Variants in PDGFRA observed in about 807,000 individuals in gnomAD.
PDGFRA encodes platelet-derived growth factor receptor alpha.
PDGFRA carries 25 observed loss-of-function variants against 121.5 expected under a neutral mutation model. The observed-to-expected ratio is 0.21, with a 90% CI of 0.15 to 0.29. The LOEUF is 0.29. Among genes scored for constraint, PDGFRA ranks in the 10% least tolerant of loss-of-function variants. The pLI is 1.00. For synonymous variants in PDGFRA, 463 were observed against 494.8 expected (o/e 0.94, Z 0.85); for missense variants, 1,008 against 1,345.1 (o/e 0.75, Z 3.92).
intron 1 of PDGFRA, among the ~76,000 whole-genome samples, chr4:54,237,389 A>C (rs78941306): frequency 0.014 from 2,181 of 152,312 alleles, 60 homozygotes; most frequent in African/African-American, 0.05. Flanking sequence ...TAGAGCTTGC[A>C]CAGGAAAAGC....
In PDGFRA at chr4:54,285,870, C is replaced by T. The variant is rs758069142; in HGVS notation, c.2469C>T (p.Asn823=). The T allele has an allele frequency of 4.1e-5, 66 of 1,613,936 alleles. No homozygotes were observed. Among genetic ancestry groups the T allele is most frequent in the African/African-American group, 8.0e-5 (6 of 74,916 alleles). Residue 823 remains asparagine (N), a synonymous_variant, in exon 18 of 23, where the codon AAC becomes AAT. Coordinates refer to ENST00000257290, the MANE Select transcript of PDGFRA (RefSeq NM_006206.6). ...NCVHRDLAAR[N]VLLAQGKIVK... ...TCCACCGTGATCTGGCTGCTCGCAA[C>T]GTCCTCCTGGCACAAGGAAAAATTG...
intron 8 of PDGFRA, among the ~76,000 whole-genome samples, chr4:54,271,819 CTCCTTCCTTCCTTCCTTTT>C: frequency 1.4e-5 from 2 of 140,990 alleles, no homozygotes; most frequent in African/African-American, 5.3e-5. Flanking sequence ...TTGCCTTTCT[CTCCTTCCTTCCTTCCTTTT>C]CCTCCCTCCC....
rs762963804 is a variant in PDGFRA at position 54,267,539 on chromosome 4, C to T, written c.932-13C>T. On this transcript the variant is annotated splice_polypyrimidine_tract_variant and intron_variant, in intron 6 of 22. Coordinates refer to ENST00000257290, the MANE Select transcript of PDGFRA (RefSeq NM_006206.6). ...TGGTAATCATTATTTAATGGAAACT[C>T]TTCCCTGTACAGAGAAAGGTTTCAT... is the stretch of plus-strand genomic sequence containing the variant. The T allele has an allele frequency of 6.2e-7, 1 of 1,614,052 alleles. No homozygotes were observed. The highest frequency in any genetic ancestry group is 8.5e-7 in the Non-Finnish European group (1 of 1,179,912).
At chr4:54,288,722 A>G in intron 19 of PDGFRA, 77 bp from the exon 20 acceptor site, 1 of 861,098 alleles carries the variant, frequency 1.2e-6, no homozygotes, top group Non-Finnish European at 2.0e-6. Flanking sequence ...GTTTTCTAAC[A>G]GTGTTCTATC....
In PDGFRA at chr4:54,288,957, G is replaced by A. The variant is rs150109363; in HGVS notation, c.2775-52G>A. On this transcript the variant is annotated intron_variant, in intron 20 of 22. Transcript: ENST00000257290. ...CACAGTCTGTGGGTCTAGGGGGAGG[G>A]AGGGGCCCTGAGACTTCCCCCTGTG... 11,097 of 1,505,888 alleles carry A rather than the reference G, an allele frequency of 7.4e-3. 45 individuals are homozygous for A. The highest frequency in any genetic ancestry group is 9.0e-3 in the Non-Finnish European group (9,686 of 1,081,416). The allele number at this position is 1,505,888 out of a possible 1,614,324, so 93.3% of individuals were successfully genotyped here. A position where few individuals can be genotyped will look rare whatever the true frequency, so the allele number is the denominator to read the frequency against.
chr4:54,257,191 G>A (rs967659971), intron 1 of PDGFRA, among the ~76,000 whole-genome samples: 7 of 152,290 alleles, frequency 4.6e-5, no homozygotes, highest in Admixed American at 3.3e-4. Flanking sequence ...CCAGCACCAT[G>A]ACAGTTTACA....
At chr4:54,274,021 C>G (rs899901774) in intron 10 of PDGFRA, among the ~76,000 whole-genome samples, 1 of 152,174 alleles carries the variant, frequency 6.6e-6, no homozygotes, top group Non-Finnish European at 1.5e-5. Flanking sequence ...GCAGAGGCCC[C>G]TCAACATTTT....
intron 18 of PDGFRA, among the ~76,000 whole-genome samples, 193 bp downstream of exon 18, chr4:54,286,156 G>A (rs557102414): frequency 6.6e-6 from 1 of 152,180 alleles, no homozygotes; most frequent in East Asian, 1.9e-4. Context: ...TTGGATTTGG[G>A]GCTAGATACT....
chr4:54,274,653 T>C (rs750075250), intron 11 of PDGFRA, 28 bp downstream of exon 11: 1 of 1,566,346 alleles, frequency 6.4e-7, no homozygotes, highest in South Asian at 1.1e-5. Context: ...AAACTAAAGA[T>C]CTTTGAAGCC....
At position 54,261,129 on chromosome 4, in the gene PDGFRA, C is replaced by T. The variant is rs2110241773; in HGVS notation, c.84C>T (p.Pro28=). The T allele has an allele frequency of 6.2e-7, 1 of 1,614,170 alleles. No individual in the cohort carries two copies. Among genetic ancestry groups the T allele is most frequent in the Non-Finnish European group, 8.5e-7 (1 of 1,180,014 alleles). The change falls in exon 3 of 23, where the codon CCC becomes CCT. Residue 28 remains proline, a synonymous_variant. Coordinates refer to ENST00000257290, the MANE Select transcript of PDGFRA (RefSeq NM_006206.6). ...TAATCCTCTGCCAGCTTTCATTACC[C>T]TCTATCCTTCCAAATGAAAATGAAA... ...LSLILCQLSL[P]SILPNENEKV... is the part of the protein sequence containing the mutation.
chr4:54,263,631 T>C (rs769848296), intron 3 of PDGFRA, 36 bp from the exon 4 acceptor site: 9 of 1,602,240 alleles, frequency 5.6e-6, no homozygotes, highest in African/African-American at 2.7e-5. Flanking sequence ...GTGAAATTAA[T>C]GTCTAATAGA....
At chr4:54,280,189 G>A (rs1723991175) in intron 15 of PDGFRA, 127 bp from the exon 16 acceptor site, 1 of 703,664 alleles carries the variant, frequency 1.4e-6, no homozygotes, top group African/African-American at 1.8e-5. Context: ...GTATGGATTG[G>A]TTTTGCTTTT....
intron 1 of PDGFRA, among the ~76,000 whole-genome samples, chr4:54,235,781 G>T (rs1720973595): frequency 6.6e-6 from 1 of 152,216 alleles, no homozygotes; most frequent in Non-Finnish European, 1.5e-5. Flanking sequence ...GGAGTCTGCA[G>T]AAAAAGTCGT....
At chr4:54,252,927 T>C (rs1410101591) in intron 1 of PDGFRA, among the ~76,000 whole-genome samples, 1 of 151,378 alleles carries the variant, frequency 6.6e-6, no homozygotes, top group African/African-American at 2.4e-5. Context: ...TCATGTCCAA[T>C]GGCTCTTTAC....
chr4:54,281,912 A>C lies in PDGFRA; in HGVS notation c.2323+1430A>C, dbSNP rs557107021. On this transcript the variant is annotated intron_variant, in intron 16 of 22. Transcript: ENST00000257290. Reference sequence around the variant, plus strand: ...CATGTGATTGGTGGTTGATTTTATTAACAAATTATAAGCAAAGTACTACAA... The same window carrying C: ...CATGTGATTGGTGGTTGATTTTATTCACAAATTATAAGCAAAGTACTACAA... 4.8e-5 allele frequency: 55 copies of C among 1,156,054 alleles called. 2 individuals carry two copies. The South Asian group carries it at 1.3e-3, about 27-fold the overall frequency. The allele number at this position is 1,156,054 out of a possible 1,614,324, so 71.6% of individuals were successfully genotyped here. A position where few individuals can be genotyped will look rare whatever the true frequency, so the allele number is the denominator to read the frequency against.
At chr4:54,284,565 A>T (rs1436297829) in intron 16 of PDGFRA, among the ~76,000 whole-genome samples, 1 of 2,346 alleles carries the variant, frequency 4.3e-4, no homozygotes, top group African/African-American at 1.1e-3. Context: ...AGAGAGAGAC[A>T]GAGAGAGAGA....
Position 54,267,657 on chromosome 4 carries a change from G to C in PDGFRA, c.1037G>C (p.Arg346Thr), listed in dbSNP as rs78608730. 6.2e-7 allele frequency: 1 copy of C among 1,614,038 alleles called. No individual in the cohort carries two copies. The highest frequency in any genetic ancestry group is 1.1e-5 in the South Asian group (1 of 91,080). ...GAGGTGCGGGCCTACCCACCTCCCA[G>C]GATATCCTGGCTGAAAAACAATCTG... is the stretch of plus-strand genomic sequence containing the variant. ...VVEVRAYPPP[R>T]ISWLKNNLTL... is the part of the protein sequence containing the mutation. The change falls in exon 7 of 23, where the codon AGG becomes ACG. Residue 346 changes from arginine to threonine, a missense_variant. Coordinates refer to ENST00000257290, the MANE Select transcript of PDGFRA (RefSeq NM_006206.6).
At chr4:54,265,232 T>C in intron 5 of PDGFRA, 183 bp downstream of exon 5, 1 of 641,606 alleles carries the variant, frequency 1.6e-6, no homozygotes, top group East Asian at 2.9e-5. Flanking sequence ...ATGGGAGAGT[T>C]TGAAATGATA....
intron 1 of PDGFRA, among the ~76,000 whole-genome samples, chr4:54,242,002 A>G (rs1410903569): frequency 6.6e-6 from 1 of 152,180 alleles, no homozygotes; most frequent in Non-Finnish European, 1.5e-5. Flanking sequence ...TCTCAGATTT[A>G]TATCTTTTCC....
Sources: allele counts gnomAD v4.1 joint callset (sites outside exome capture counted in the v4.1 genomes callset), GRCh38; gene constraint gnomAD v4.1.1; transcripts MANE v1.5; gene names NCBI Gene and HGNC (gene_info 2026-07-23, HGNC 2026-07-21).